Variants in DNAH11 observed in about 807,000 individuals in gnomAD.
The protein encoded by DNAH11 is dynein axonemal heavy chain 11, also known as axonemal beta dynein heavy chain 11.
DNAH11 carries 442 observed loss-of-function variants against 526.0 expected under a neutral mutation model. The observed-to-expected ratio is 0.84, with a 90% CI of 0.78 to 0.91. DNAH11 has a LOEUF of 0.91. Ranked by LOEUF, DNAH11 falls within the 40% of genes least tolerant of loss-of-function variation. The pLI is 0.00. For synonymous variants in DNAH11, 2,461 were observed against 1,935.9 expected (o/e 1.27, Z -7.12); for missense variants, 6,989 against 5,448.7 (o/e 1.28, Z -8.90).
At chr7:21,640,269 A>T (rs1180000298) in intron 28 of DNAH11, among the ~76,000 whole-genome samples, 1 of 152,218 alleles carries the variant, frequency 6.6e-6, no homozygotes, top group African/African-American at 2.4e-5. Context: ...CTTTAAAAAA[A>T]CTATTTTGAA....
At chr7:21,642,615 G>A (rs777661871) in intron 28 of DNAH11, among the ~76,000 whole-genome samples, 9 of 152,108 alleles carry the variant, frequency 5.9e-5, no homozygotes, top group African/African-American at 9.7e-5. Context: ...AGCTTGTGGA[G>A]CAACAATGCA....
chr7:21,707,926 C>G, intron 40 of DNAH11, 91 bp downstream of exon 40: 1 of 1,360,254 alleles, frequency 7.4e-7, no homozygotes, highest in Non-Finnish European at 9.8e-7. Context: ...TAGTCGCAGA[C>G]TTACTGTTTA....
intron 68 of DNAH11, among the ~76,000 whole-genome samples, chr7:21,858,969 T>C (rs982903863): frequency 6.6e-6 from 1 of 152,322 alleles, no homozygotes; most frequent in Admixed American, 6.5e-5. Context: ...TCTGAAACTT[T>C]TTGAATGCTG....
At chr7:21,832,205 A>C (rs1302933094) in intron 65 of DNAH11, among the ~76,000 whole-genome samples, 30 of 152,146 alleles carry the variant, frequency 2.0e-4, no homozygotes, top group Non-Finnish European at 1.5e-5. Context: ...TTATGTATGA[A>C]TTTGATCCTG....
chr7:21,570,354 T>G, intron 7 of DNAH11, 55 bp downstream of exon 7: 1 of 1,398,894 alleles, frequency 7.1e-7, no homozygotes, highest in South Asian at 1.3e-5. Context: ...AAAAAGCCAG[T>G]AGCTTTTCAC....
At chr7:21,688,862 G>A (rs1441205097) in intron 34 of DNAH11, among the ~76,000 whole-genome samples, 2 of 152,256 alleles carry the variant, frequency 1.3e-5, no homozygotes, top group African/African-American at 4.8e-5. Flanking sequence ...GCACAATTCT[G>A]GTTCTCTTTG....
In DNAH11 at chr7:21,705,078, G is replaced by T. The variant is rs534846201; in HGVS notation, c.6469-382G>T. Among the ~76,000 whole-genome samples the T allele has an allele frequency of 2.0e-4, 30 of 152,278 alleles. No homozygotes were observed. In the South Asian group the frequency reaches 6.2e-3, roughly 32 times the overall value. On this transcript the variant is annotated intron_variant, in intron 38 of 81. Coordinates refer to ENST00000409508, the MANE Select transcript of DNAH11 (RefSeq NM_001277115.2). ...ATTTTTCAATTTGAATTCAGTGAAT[G>T]CATGGATATTGAACACTATATACAT...
intron 48 of DNAH11, among the ~76,000 whole-genome samples, chr7:21,740,428 C>G (rs1170147384): frequency 2.6e-5 from 4 of 152,142 alleles, no homozygotes; most frequent in African/African-American, 9.7e-5. Context: ...CTTTCTGTGT[C>G]TATGATTTTG....
chr7:21,808,017 C>T lies in DNAH11; in HGVS notation c.10300C>T (p.His3434Tyr). 1.3e-6 allele frequency: 2 copies of T among 1,577,084 alleles called. No individual in the cohort carries two copies. Among genetic ancestry groups the T allele is most frequent in the Non-Finnish European group, 8.7e-7 (1 of 1,155,192 alleles). The change falls in exon 63 of 82, where the codon CAC becomes TAC. Residue 3434 changes from histidine (H) to tyrosine (Y), a missense_variant. Transcript: ENST00000409508. ...FTRQYRQELV[H>Y]CKWVPFLQQK... ...AAGGCAGTATCGCCAGGAGCTGGTGCACTGCAAGTGGGTTCCCTTTCTTCA... is the reference window on the plus strand; with the variant it reads ...AAGGCAGTATCGCCAGGAGCTGGTGTACTGCAAGTGGGTTCCCTTTCTTCA...
At chr7:21,817,882 A>T (rs558182139) in intron 64 of DNAH11, among the ~76,000 whole-genome samples, 2 of 152,320 alleles carry the variant, frequency 1.3e-5, no homozygotes, top group Non-Finnish European at 2.9e-5. Flanking sequence ...AACTTTACTT[A>T]AAAAAGAGCC....
intron 25 of DNAH11, among the ~76,000 whole-genome samples, chr7:21,632,060 C>A (rs532598053): frequency 5.9e-5 from 9 of 152,326 alleles, no homozygotes; most frequent in South Asian, 2.1e-4. Context: ...TGTGCACTGG[C>A]AGACTCAACA....
At chr7:21,744,798 A>C in intron 50 of DNAH11, 72 bp from the exon 51 acceptor site, 1 of 1,524,672 alleles carries the variant, frequency 6.6e-7, no homozygotes, top group East Asian at 2.4e-5. Flanking sequence ...TTCCCTTGCT[A>C]GGCCATGCTG....
At chr7:21,707,214 C>A (rs1194745810) in intron 39 of DNAH11, among the ~76,000 whole-genome samples, 1 of 152,108 alleles carries the variant, frequency 6.6e-6, no homozygotes, top group African/African-American at 2.4e-5. Context: ...TTAGCTGGGC[C>A]CTTGTTGGAA....
chr7:21,622,711 A>G (rs1254076238), intron 25 of DNAH11, among the ~76,000 whole-genome samples: 1 of 152,222 alleles, frequency 6.6e-6, no homozygotes, highest in African/African-American at 2.4e-5. Flanking sequence ...AAAACAAGCA[A>G]TGGGGAAAGG....
intron 30 of DNAH11, among the ~76,000 whole-genome samples, chr7:21,680,688 C>A (rs76222674): frequency 6.6e-6 from 1 of 152,024 alleles, no homozygotes; most frequent in Non-Finnish European, 1.5e-5. Context: ...GAAAAAAGAC[C>A]AGCAGTTTGA....
intron 56 of DNAH11, among the ~76,000 whole-genome samples, chr7:21,777,912 AC>A (rs1187917775): frequency 1.3e-5 from 2 of 152,196 alleles, no homozygotes; most frequent in Non-Finnish European, 2.9e-5. Flanking sequence ...ACAAGATGAA[AC>A]CACTGAAATG....
chr7:21,790,290 C>T (rs1396625694), intron 61 of DNAH11, among the ~76,000 whole-genome samples: 2 of 151,838 alleles, frequency 1.3e-5, no homozygotes. Context: ...ACTAAAAATA[C>T]AAAAAGAAAT....
At position 21,901,053 on chromosome 7, in the gene DNAH11, C is replaced by T. The variant is rs267601457; in HGVS notation, c.13350C>T (p.Leu4450=). ...CAGGAACCATTGTTGAAGCCCGTCT[C>T]AAGGAGCTGGCATGCCCTATGCCGG... ...TQAGTIVEAR[L]KELACPMPVI... The change falls in exon 82 of 82, where the codon CTC becomes CTT. Residue 4450 remains leucine, a synonymous_variant. Coordinates refer to ENST00000409508, the MANE Select transcript of DNAH11 (RefSeq NM_001277115.2). The T allele has an allele frequency of 1.2e-6, 2 of 1,613,394 alleles. No homozygotes were observed. Among genetic ancestry groups the T allele is most frequent in the Admixed American group, 1.7e-5 (1 of 59,928 alleles).
At chr7:21,864,089 TA>T (rs1783175344) in intron 69 of DNAH11, among the ~76,000 whole-genome samples, 2 of 152,194 alleles carry the variant, frequency 1.3e-5, no homozygotes, top group South Asian at 2.1e-4. Context: ...TCTTACATAT[TA>T]AAAAATCCTT....
Sources: gnomAD v4.1 joint callset for allele counts (sites outside exome capture counted in the v4.1 genomes callset) on GRCh38, gnomAD v4.1.1 for gene constraint, MANE v1.5 for transcripts, NCBI Gene and HGNC (gene_info 2026-07-23, HGNC 2026-07-21) for gene names.